Variants in SBF2 observed in about 807,000 individuals in gnomAD.
SBF2 encodes myotubularin-related protein 13.
SBF2 carries 112 observed loss-of-function variants against 225.2 expected under a neutral mutation model. The observed-to-expected ratio is 0.50, with a 90% CI of 0.43 to 0.58. SBF2 has a LOEUF of 0.58. SBF2 is among the 20% of genes least tolerant of loss of function. SBF2 has a pLI of 0.00. For missense variants in SBF2, 1,996 were observed against 2,206.2 expected, an observed-to-expected ratio of 0.90 and a Z score of 1.91; for synonymous variants, 763 against 773.3, an observed-to-expected ratio of 0.99 and a Z score of 0.22.
At chr11:10,156,518 C>T (rs1390745963) in intron 2 of SBF2, among the ~76,000 whole-genome samples, 4 of 152,196 alleles carry the variant, frequency 2.6e-5, no homozygotes, top group African/African-American at 7.2e-5. Flanking sequence ...GAAGTTGGCA[C>T]GTCAGTTCTG....
At chr11:9,979,064 G>A (rs375731344) in intron 13 of SBF2, among the ~76,000 whole-genome samples, 4 of 152,284 alleles carry the variant, frequency 2.6e-5, no homozygotes, top group East Asian at 1.9e-4. Context: ...TATTGGAGGC[G>A]ATCCAGCCTT....
At chr11:10,232,927 G>A (rs1958915457) in intron 1 of SBF2, among the ~76,000 whole-genome samples, 12 of 152,098 alleles carry the variant, frequency 7.9e-5, no homozygotes, top group Admixed American at 7.9e-4. Context: ...TCTCTGATAG[G>A]GAGTGATAAA....
chr11:9,837,671 AT>A (rs1256294097), intron 26 of SBF2, among the ~76,000 whole-genome samples: 1 of 151,990 alleles, frequency 6.6e-6, no homozygotes. Flanking sequence ...TGCGTGGTAT[AT>A]TTTTTCTATC....
At chr11:10,018,339 A>G (rs1439676106) in intron 6 of SBF2, among the ~76,000 whole-genome samples, 1 of 152,174 alleles carries the variant, frequency 6.6e-6, no homozygotes, top group Non-Finnish European at 1.5e-5. Flanking sequence ...AACATAAAAT[A>G]ATAGAGCTAT....
chr11:9,788,102 G>A, intron 35 of SBF2: 1 of 310,802 alleles, frequency 3.2e-6, no homozygotes, highest in Non-Finnish European at 6.2e-6. Context: ...CCTAATAGCT[G>A]AGGTAGATGA....
At chr11:9,963,635 T>G (rs1171178812) in intron 15 of SBF2, 138 bp downstream of exon 15, 2 of 615,572 alleles carry the variant, frequency 3.2e-6, no homozygotes, top group Non-Finnish European at 5.8e-6. Context: ...ACTATTCATT[T>G]AAAATGATCC....
chr11:9,977,697 C>T (rs1946765514), intron 13 of SBF2, among the ~76,000 whole-genome samples: 1 of 152,198 alleles, frequency 6.6e-6, no homozygotes, highest in Non-Finnish European at 1.5e-5. Context: ...AATGCTTACA[C>T]TGTTTGTCTC....
chr11:9,818,969 G>A (rs764623213), intron 28 of SBF2, among the ~76,000 whole-genome samples: 3 of 152,192 alleles, frequency 2.0e-5, no homozygotes, highest in South Asian at 4.1e-4. Flanking sequence ...TGATCCGCCC[G>A]CCTCAGCCTC....
chr11:9,989,455 T>TAAATA (rs770225737), intron 13 of SBF2, 42 bp downstream of exon 13: 2 of 1,242,966 alleles, frequency 1.6e-6, no homozygotes, highest in Non-Finnish European at 2.3e-6. Context: ...AATAAATAAA[T>TAAATA]AAATAAAATT....
chr11:9,848,762 CTT>C (rs1431837794), intron 22 of SBF2, among the ~76,000 whole-genome samples: 2 of 152,236 alleles, frequency 1.3e-5, no homozygotes, highest in Non-Finnish European at 2.9e-5. Context: ...GGCTAAGACA[CTT>C]TTCTCCTTTT....
intron 16 of SBF2, among the ~76,000 whole-genome samples, chr11:9,937,978 G>A (rs1864998133): frequency 6.6e-6 from 1 of 152,108 alleles, no homozygotes; most frequent in Non-Finnish European, 1.5e-5. Context: ...GTTATTAGAT[G>A]GGAAGACTTA....
intron 2 of SBF2, among the ~76,000 whole-genome samples, chr11:10,093,639 A>T (rs1160394887): frequency 6.6e-6 from 1 of 152,202 alleles, no homozygotes; most frequent in Non-Finnish European, 1.5e-5. Context: ...TTTATTTCTT[A>T]AAGCAATAAA....
chr11:10,194,450 G>A (rs1957290861), intron 1 of SBF2, among the ~76,000 whole-genome samples: 1 of 152,136 alleles, frequency 6.6e-6, no homozygotes, highest in Non-Finnish European at 1.5e-5. Flanking sequence ...TGAGGGTTCT[G>A]GAACAAATCC....
At chr11:10,283,167 A>G (rs1206522013) in intron 1 of SBF2, among the ~76,000 whole-genome samples, 1 of 152,182 alleles carries the variant, frequency 6.6e-6, no homozygotes, top group Non-Finnish European at 1.5e-5. Flanking sequence ...TTATCCACTA[A>G]TGACTAGGTT....
intron 33 of SBF2, among the ~76,000 whole-genome samples, chr11:9,795,384 G>A (rs1002797694): frequency 4.6e-5 from 7 of 152,232 alleles, no homozygotes; most frequent in African/African-American, 1.7e-4. Flanking sequence ...GGAAACTGAG[G>A]CTCAGAGAGG....
chr11:10,220,537 T>G (rs371859075), intron 1 of SBF2, among the ~76,000 whole-genome samples: 1 of 152,324 alleles, frequency 6.6e-6, no homozygotes, highest in East Asian at 1.9e-4. Context: ...CCCTTAGGCC[T>G]TCATAATTTC....
intron 9 of SBF2, among the ~76,000 whole-genome samples, chr11:9,996,369 A>C (rs967833484): frequency 5.9e-5 from 9 of 152,064 alleles, no homozygotes; most frequent in Admixed American, 3.3e-4. Context: ...AATTGTCTTT[A>C]AATCAACTCA....
chr11:10,278,402 A>T (rs1249116479), intron 1 of SBF2, among the ~76,000 whole-genome samples: 1 of 152,220 alleles, frequency 6.6e-6, no homozygotes, highest in African/African-American at 2.4e-5. Context: ...ACCAACCCCA[A>T]AAATTTCGAG....
chr11:9,871,561 G>A (rs1289196303), intron 17 of SBF2, among the ~76,000 whole-genome samples: 2 of 150,804 alleles, frequency 1.3e-5, no homozygotes, highest in African/African-American at 2.4e-5. Context: ...GCGCGATCTC[G>A]GATCACTGCA....
Sources: allele counts gnomAD v4.1 joint callset (sites outside exome capture counted in the v4.1 genomes callset), GRCh38; gene constraint gnomAD v4.1.1; transcripts MANE v1.5; gene names NCBI Gene and HGNC (gene_info 2026-07-23, HGNC 2026-07-21).